Variants in TRPC6 observed in about 807,000 individuals in gnomAD.
The protein encoded by TRPC6 is short transient receptor potential channel 6.
A neutral mutation model predicts 90.7 loss-of-function variants in TRPC6; 55 were observed. That is an observed-to-expected ratio of 0.61 (90% confidence interval 0.49 to 0.76). The LOEUF (loss-of-function observed/expected upper bound fraction) is 0.76. Ranked by LOEUF, TRPC6 falls within the 30% of genes least tolerant of loss-of-function variation. The pLI, the probability that TRPC6 is intolerant of heterozygous loss-of-function variation, is 0.00. For missense variants in TRPC6, 989 were observed against 1,122.7 expected (o/e 0.88, Z 1.70); for synonymous variants, 393 against 393.0 (o/e 1.00, Z 0.00).
At chr11:101,468,223 T>A (rs1169029705) in intron 10 of TRPC6, among the ~76,000 whole-genome samples, 6 of 152,218 alleles carry the variant, frequency 3.9e-5, no homozygotes, top group Non-Finnish European at 8.8e-5. Flanking sequence ...ATATTGTTTT[T>A]TGGAATTTCT....
rs1277437769 is a variant in TRPC6 at position 101,583,426 on chromosome 11, G to T, written c.78C>A (p.Asn26Lys). 2.6e-6 allele frequency: 4 copies of T among 1,560,340 alleles called. No homozygotes were observed. Among genetic ancestry groups the T allele is most frequent in the African/African-American group, 2.7e-5 (2 of 72,762 alleles). ...RGAAGAAARR[N>K]ESQDYLLMDS... ...CCATGAGCAGATAGTCCTGGCTCTC[G>T]TTGCGCCGCGCAGCGGCTCCGGCAG... The change falls in exon 1 of 13, where the codon AAC (asparagine) becomes AAA (lysine). Residue 26 changes from asparagine (N) to lysine (K), a missense_variant. Around this residue, in one of 4 missense-constraint regions of TRPC6, gnomAD observed 194 missense variants for 136.5 expected, o/e 1.42. Transcript: ENST00000344327.
intron 1 of TRPC6, among the ~76,000 whole-genome samples, chr11:101,555,375 G>T (rs949371762): frequency 1.3e-5 from 2 of 151,998 alleles, no homozygotes; most frequent in East Asian, 3.9e-4. Flanking sequence ...ATTTAACAAC[G>T]ACCACCAAAA....
intron 1 of TRPC6, among the ~76,000 whole-genome samples, chr11:101,566,828 G>C (rs956819853): frequency 2.6e-5 from 4 of 152,254 alleles, no homozygotes; most frequent in Admixed American, 2.6e-4. Context: ...GGACTGTACC[G>C]TGCACTCCAG....
intron 9 of TRPC6, among the ~76,000 whole-genome samples, chr11:101,470,698 T>G (rs1414485960): frequency 1.3e-5 from 2 of 152,098 alleles, no homozygotes; most frequent in Non-Finnish European, 2.9e-5. Flanking sequence ...CTTAGCTCTT[T>G]CTTTCTTGAA....
intron 9 of TRPC6, among the ~76,000 whole-genome samples, chr11:101,470,717 T>C (rs139081770): frequency 6.6e-4 from 100 of 152,166 alleles, no homozygotes; most frequent in Middle Eastern, 3.4e-3. Context: ...AACTACTTAT[T>C]GCCAAGCCTG....
chr11:101,531,109 G>A (rs1364305989), intron 1 of TRPC6, among the ~76,000 whole-genome samples: 2 of 152,082 alleles, frequency 1.3e-5, no homozygotes, highest in African/African-American at 2.4e-5. Flanking sequence ...CACACACACC[G>A]GTAACAATGT....
intron 11 of TRPC6, among the ~76,000 whole-genome samples, chr11:101,454,273 G>A (rs1181302609): frequency 6.6e-6 from 1 of 151,830 alleles, no homozygotes; most frequent in Non-Finnish European, 1.5e-5. Flanking sequence ...AGTCTTAGTG[G>A]GTGCTCAGAA....
chr11:101,472,168 G>A lies in TRPC6; in HGVS notation c.2174C>T (p.Ala725Val). The change falls in exon 8 of 13, where the codon GCC (alanine) becomes GTC (valine). Residue 725 changes from alanine to valine, a missense_variant. Transcript: ENST00000344327. ...TTCCTGGAATGAACTGTTGATCATG[G>A]CAATTAACATATTTAGCAAAACAAT... ...MVIVLLNMLI[A>V]MINSSFQEIE... is the part of the protein sequence containing the mutation. The A allele has an allele frequency of 6.2e-7, 1 of 1,611,618 alleles. No individual in the cohort carries two copies. Among genetic ancestry groups the A allele is most frequent in the South Asian group, 1.1e-5 (1 of 90,982 alleles).
At chr11:101,465,719 GCAC>G (rs1859129514) in intron 10 of TRPC6, among the ~76,000 whole-genome samples, 1 of 151,782 alleles carries the variant, frequency 6.6e-6, no homozygotes, top group Non-Finnish European at 1.5e-5. Context: ...TAGTTTTTTC[GCAC>G]CAGGTGAGAA....
At chr11:101,547,040 A>G (rs1226832834) in intron 1 of TRPC6, among the ~76,000 whole-genome samples, 3 of 152,176 alleles carry the variant, frequency 2.0e-5, no homozygotes, top group African/African-American at 7.2e-5. Context: ...TGATAATGAA[A>G]AACAAAAAAA....
At position 101,583,855 on chromosome 11, in the gene TRPC6, G is replaced by A. The variant is rs201260623; in HGVS notation, c.-352C>T. The A allele has an allele frequency of 1.2e-5, 3 of 243,420 alleles. No individual in the cohort carries two copies. Among genetic ancestry groups the A allele is most frequent in the Non-Finnish European group, 1.6e-5 (2 of 127,738 alleles). The allele number at this position is 243,420 out of a possible 1,614,324, so 15.1% of individuals were successfully genotyped here. On this transcript the variant is annotated 5_prime_UTR_variant, in exon 1 of 13. Transcript: ENST00000344327. ...GGAGAGCAAGGGAGACGGAGCTGAA[G>A]AGTTACTATGTCAACAGAGACTCTC...
chr11:101,517,227 C>G (rs4285844), intron 1 of TRPC6, among the ~76,000 whole-genome samples: 74,386 of 152,036 alleles, frequency 0.49, 18,545 homozygotes, highest in African/African-American at 0.55. Flanking sequence ...CAAATTCAGT[C>G]AAACTAGTGA....
Position 101,504,064 on chromosome 11 carries a change from T to C in TRPC6, c.905A>G (p.Asn302Ser), listed in dbSNP as rs748546774. The C allele has an allele frequency of 3.1e-6, 5 of 1,614,068 alleles. No homozygotes were observed. Among genetic ancestry groups the C allele is most frequent in the Non-Finnish European group, 4.2e-6 (5 of 1,179,948 alleles). Reference protein sequence around the residue: ...DPVMTALELSNELAVLANIEK... With the variant: ...DPVMTALELSSELAVLANIEK... The stretch of plus-strand genomic sequence containing the variant: ...AATATTGGCCAGAACTGCCAGTTCA[T>C]TGCTAAGTTCTAAAGCCGTCATGAC... The change falls in exon 2 of 13, where the codon AAT becomes AGT. Residue 302 changes from asparagine (N) to serine (S), a missense_variant. Transcript: ENST00000344327.
At chr11:101,549,284 A>T (rs1300717001) in intron 1 of TRPC6, among the ~76,000 whole-genome samples, 3 of 151,984 alleles carry the variant, frequency 2.0e-5, no homozygotes, top group African/African-American at 7.2e-5. Context: ...ATATATTATA[A>T]AATTTAAAAA....
At chr11:101,525,393 C>T (rs146651487) in intron 1 of TRPC6, among the ~76,000 whole-genome samples, 8 of 152,208 alleles carry the variant, frequency 5.3e-5, no homozygotes, top group Admixed American at 2.6e-4. Flanking sequence ...TAAAAATAAC[C>T]GACAGCAAAG....
At chr11:101,526,026 C>G (rs1860771971) in intron 1 of TRPC6, among the ~76,000 whole-genome samples, 1 of 152,138 alleles carries the variant, frequency 6.6e-6, no homozygotes, top group Non-Finnish European at 1.5e-5. Context: ...GTGCTTATCA[C>G]AGTATATTTT....
At chr11:101,517,174 A>G (rs537421686) in intron 1 of TRPC6, among the ~76,000 whole-genome samples, 5 of 152,328 alleles carry the variant, frequency 3.3e-5, no homozygotes, top group South Asian at 4.1e-4. Context: ...TGTTCAAGCT[A>G]TAAAAGTTAT....
intron 2 of TRPC6, among the ~76,000 whole-genome samples, chr11:101,497,164 C>T (rs1464814212): frequency 6.6e-6 from 1 of 152,176 alleles, no homozygotes; most frequent in African/African-American, 2.4e-5. Context: ...ATTTGCTGGC[C>T]TTCTCCTAAT....
chr11:101,583,469 C>A lies in TRPC6; in HGVS notation c.35G>T (p.Gly12Val). 1 of 1,523,474 alleles carries A rather than the reference C, an allele frequency of 6.6e-7. No homozygotes were observed. Among genetic ancestry groups the A allele is most frequent in the South Asian group, 1.2e-5 (1 of 82,464 alleles). 94.4% of individuals were successfully genotyped at this position (1,523,474 alleles called of 1,614,324 possible). Residue 12 changes from glycine to valine, a missense_variant, in exon 1 of 13, where the codon GGC becomes GTC. Physicochemically the swap from Gly to Val is moderately radical, Grantham distance 109. Around this residue, in one of 4 missense-constraint regions of TRPC6, gnomAD observed 194 missense variants for 136.5 expected, o/e 1.42. Coordinates refer to ENST00000344327, the MANE Select transcript of TRPC6 (RefSeq NM_004621.6). Reference protein sequence around the residue: ...SQSPAFGPRRGSSPRGAAGAA... With the variant: ...SQSPAFGPRRVSSPRGAAGAA... ...TCCGGCAGCGCCCCGGGGAGAACTGCCCCTCCGGGGCCCGAACGCCGGGCT... is the reference window on the plus strand; with the variant it reads ...TCCGGCAGCGCCCCGGGGAGAACTGACCCTCCGGGGCCCGAACGCCGGGCT...
Sources: gnomAD v4.1 joint callset for allele counts (sites outside exome capture counted in the v4.1 genomes callset) on GRCh38, gnomAD v4.1.1 for gene constraint, gnomAD v4.1.1 regional missense constraint, MANE v1.5 for transcripts, NCBI Gene and HGNC (gene_info 2026-07-23, HGNC 2026-07-21) for gene names.